ANK2: variants seen among roughly 807,000 people sequenced by gnomAD.
The protein encoded by ANK2 is ankyrin-2.
ANK2 carries 83 observed loss-of-function variants against 360.5 expected under a neutral mutation model. The observed-to-expected ratio is 0.23, with a 90% CI of 0.19 to 0.28. ANK2 has a LOEUF of 0.28. Ranked by LOEUF, ANK2 falls within the 10% of genes least tolerant of loss-of-function variation. The pLI is 1.00. For synonymous variants in ANK2, 1,740 were observed against 1,759.5 expected (o/e 0.99, Z 0.28); for missense variants, 4,201 against 4,795.7 (o/e 0.88, Z 3.66).
At chr4:113,224,912 AAG>A (rs1258326759) in intron 4 of ANK2, among the ~76,000 whole-genome samples, 2 of 149,166 alleles carry the variant, frequency 1.3e-5, no homozygotes, top group African/African-American at 4.9e-5. Flanking sequence ...TAAGACCTGT[AAG>A]AATTCCTTTT....
At chr4:113,346,211 G>T (rs1212071939) in intron 35 of ANK2, among the ~76,000 whole-genome samples, 189 bp downstream of exon 35, 2 of 152,142 alleles carry the variant, frequency 1.3e-5, no homozygotes, top group Non-Finnish European at 2.9e-5. Context: ...TCAGATTTAC[G>T]ATTTCCACTT....
At chr4:112,853,118 G>C (rs560697817) in intron 1 of ANK2, among the ~76,000 whole-genome samples, 1 of 152,050 alleles carries the variant, frequency 6.6e-6, no homozygotes, top group Non-Finnish European at 1.5e-5. Context: ...CGCCAGGCTA[G>C]AGTGCTGTGG....
intron 26 of ANK2, among the ~76,000 whole-genome samples, chr4:113,326,066 G>A (rs778877107): frequency 3.3e-5 from 5 of 152,112 alleles, no homozygotes; most frequent in African/African-American, 9.7e-5. Context: ...GTATGTGAAC[G>A]ACTCATCTCG....
chr4:113,353,779 G>T lies in ANK2; in HGVS notation c.5161G>T (p.Ala1721Ser). ...KQKQKEEGLQ[A>S]SAEKAELKKG... ...GAAACAAAAAGAGGAAGGTTTACAA[G>T]CTAGTGCAGAGAAAGCTGAACTTAA... The change falls in exon 38 of 46, where the codon GCT becomes TCT. Residue 1721 changes from alanine (A) to serine (S), a missense_variant. Around this residue, in one of 4 missense-constraint regions of ANK2, gnomAD observed 2,642 missense variants for 2,714.5 expected, o/e 0.97. Transcript: ENST00000357077. 1 of 1,613,990 alleles carries T rather than the reference G, an allele frequency of 6.2e-7. No homozygotes were observed. Among genetic ancestry groups the T allele is most frequent in the Non-Finnish European group, 8.5e-7 (1 of 1,179,986 alleles).
At chr4:112,738,666 A>G in the ANK2 span, 12 of 576,066 alleles carry the variant, frequency 2.1e-5, no homozygotes, top group Non-Finnish European at 3.4e-6. Context: ...TCTCCTCCTC[A>G]GCATCACGGC....
intron 23 of ANK2, among the ~76,000 whole-genome samples, chr4:113,308,341 G>C (rs35705941): frequency 0.37 from 55,738 of 152,050 alleles, 10,933 homozygotes; most frequent in Non-Finnish European, 0.44. Context: ...TTCTGCTGTG[G>C]ACATGCTAAA....
At chr4:113,325,135 A>G (rs2089044773) in intron 26 of ANK2, among the ~76,000 whole-genome samples, 1 of 152,172 alleles carries the variant, frequency 6.6e-6, no homozygotes, top group Non-Finnish European at 1.5e-5. Context: ...TCATTTGGAG[A>G]GTAAGAGATG....
At chr4:113,257,966 A>G (rs1357987281) in intron 11 of ANK2, 84 bp from the exon 12 acceptor site, 4 of 1,250,278 alleles carry the variant, frequency 3.2e-6, no homozygotes, top group Non-Finnish European at 4.7e-6. Context: ...ACGATGTAAC[A>G]TTATTGCCTG....
intron 2 of ANK2, among the ~76,000 whole-genome samples, chr4:113,011,594 AGTTT>A (rs1296937958): frequency 1.3e-5 from 2 of 152,238 alleles, no homozygotes; most frequent in African/African-American, 4.8e-5. Flanking sequence ...GATAAGGGAT[AGTTT>A]AACAAGGTTG....
intron 1 of ANK2, among the ~76,000 whole-genome samples, chr4:112,861,082 CG>C (rs1368888033): frequency 6.6e-6 from 1 of 152,088 alleles, no homozygotes; most frequent in Non-Finnish European, 1.5e-5. Flanking sequence ...CACTCTGATG[CG>C]GGGATATGCA....
the ANK2 span, among the ~76,000 whole-genome samples, chr4:112,710,777 AG>A: frequency 6.6e-6 from 1 of 151,574 alleles, no homozygotes; most frequent in Non-Finnish European, 1.5e-5. Context: ...ATGGTTGCTG[AG>A]AGGAGTGACT....
upstream of ANK2, among the ~76,000 whole-genome samples, chr4:113,048,256 A>G (rs1232705162): frequency 4.4e-5 from 3 of 68,168 alleles, no homozygotes; most frequent in African/African-American, 3.3e-4. Context: ...GTGTATATAT[A>G]TATATATATA....
At chr4:113,231,207 A>G (rs1047670193) in intron 4 of ANK2, among the ~76,000 whole-genome samples, 1 of 151,874 alleles carries the variant, frequency 6.6e-6, no homozygotes, top group Non-Finnish European at 1.5e-5. Context: ...ATGTGCCACC[A>G]CGCCTGGTTA....
intron 1 of ANK2, among the ~76,000 whole-genome samples, chr4:112,882,520 C>G (rs987019743): frequency 1.3e-5 from 2 of 151,852 alleles, no homozygotes; most frequent in African/African-American, 4.8e-5. Context: ...GGATGGAAAC[C>G]TAATCTGGGG....
intron 2 of ANK2, among the ~76,000 whole-genome samples, chr4:112,954,406 T>G (rs902400515): frequency 2.0e-5 from 3 of 152,192 alleles, no homozygotes; most frequent in Non-Finnish European, 2.9e-5. Context: ...ATTTACTGTT[T>G]GTGGAAACAA....
chr4:112,922,216 G>A (rs1307308024), intron 2 of ANK2, among the ~76,000 whole-genome samples: 1 of 152,090 alleles, frequency 6.6e-6, no homozygotes, highest in Non-Finnish European at 1.5e-5. Flanking sequence ...CATTTTTTGA[G>A]TATATCTGTA....
chr4:113,342,998 T>G lies in ANK2; in HGVS notation c.4123-19T>G, dbSNP rs199938838. ...TAATTGCAGCTACTTTATTGTTATTTCTCTCTGTTTTCACTCAGGTGTTAG... is the reference window on the plus strand; with the variant it reads ...TAATTGCAGCTACTTTATTGTTATTGCTCTCTGTTTTCACTCAGGTGTTAG... On this transcript the variant is annotated intron_variant, in intron 33 of 45. Transcript: ENST00000357077. 3.2e-4 allele frequency: 514 copies of G among 1,613,706 alleles called. 1 individual carries two copies. Among genetic ancestry groups the G allele is most frequent in the Middle Eastern group, 5.0e-4 (3 of 6,056 alleles).
intron 1 of ANK2, among the ~76,000 whole-genome samples, chr4:112,839,852 G>C (rs1048298527): frequency 6.6e-6 from 1 of 152,160 alleles, no homozygotes. Context: ...TGCAACAGTT[G>C]AAATTTTGCC....
At chr4:112,760,220 T>G in the ANK2 span, among the ~76,000 whole-genome samples, 1 of 148,738 alleles carries the variant, frequency 6.7e-6, no homozygotes, top group Non-Finnish European at 1.5e-5. Context: ...GGAGTCTCGC[T>G]CTGTTGTCCG....
Sources: allele counts gnomAD v4.1 joint callset (sites outside exome capture counted in the v4.1 genomes callset), GRCh38; gene constraint gnomAD v4.1.1; regional missense constraint gnomAD v4.1.1; transcripts MANE v1.5; gene names NCBI Gene and HGNC (gene_info 2026-07-23, HGNC 2026-07-21).